SLC35F1: variants seen among roughly 807,000 people sequenced by gnomAD.
The protein encoded by SLC35F1 is chromosome 6 open reading frame 169.
In SLC35F1, 14 loss-of-function variants were observed where a neutral mutation model predicts 48.7. That is an observed-to-expected ratio of 0.29 (90% CI 0.19 to 0.45). The LOEUF (loss-of-function observed/expected upper bound fraction) is 0.45. SLC35F1 is among the 20% of genes least tolerant of loss of function. The pLI, the probability that SLC35F1 is intolerant of heterozygous loss-of-function variation, is 1.00. For missense variants in SLC35F1, 404 were observed against 500.0 expected (o/e 0.81, Z 1.83); for synonymous variants, 190 against 202.2 (o/e 0.94, Z 0.51).
At chr6:118,107,962 C>T (rs1347537679) in intron 1 of SLC35F1, among the ~76,000 whole-genome samples, 1 of 152,026 alleles carries the variant, frequency 6.6e-6, no homozygotes, top group Non-Finnish European at 1.5e-5. Flanking sequence ...CCTCTAGTTC[C>T]CACACAGCCC....
intron 4 of SLC35F1, among the ~76,000 whole-genome samples, chr6:118,272,600 T>C (rs2114627289): frequency 6.6e-6 from 1 of 152,016 alleles, no homozygotes; most frequent in South Asian, 2.1e-4. Context: ...TTCTGCTGCT[T>C]ATTTTAATAG....
chr6:118,169,467 T>C (rs377647925), intron 2 of SLC35F1, among the ~76,000 whole-genome samples: 54 of 152,310 alleles, frequency 3.5e-4, no homozygotes, highest in African/African-American at 1.1e-3. Flanking sequence ...TTGAAGAACA[T>C]ATTGACTGAT....
chr6:117,938,696 C>CA (rs1016107148), intron 1 of SLC35F1, among the ~76,000 whole-genome samples: 6 of 152,212 alleles, frequency 3.9e-5, no homozygotes, highest in African/African-American at 1.4e-4. Context: ...GGGCCCAGAA[C>CA]AAGGGTTCTT....
At chr6:118,054,626 C>T (rs1424076347) in intron 1 of SLC35F1, among the ~76,000 whole-genome samples, 2 of 152,116 alleles carry the variant, frequency 1.3e-5, no homozygotes, top group Non-Finnish European at 1.5e-5. Flanking sequence ...TGGTATTTCA[C>T]ATTACCTGTC....
intron 3 of SLC35F1, among the ~76,000 whole-genome samples, chr6:118,264,682 T>C (rs572565322): frequency 7.9e-5 from 12 of 152,368 alleles, no homozygotes; most frequent in African/African-American, 2.9e-4. Context: ...GACTGAGGGC[T>C]TCCAGCCAGA....
At chr6:118,252,261 T>G (rs952459169) in intron 3 of SLC35F1, among the ~76,000 whole-genome samples, 10 of 152,114 alleles carry the variant, frequency 6.6e-5, no homozygotes, top group African/African-American at 1.9e-4. Flanking sequence ...GGCCACTAAG[T>G]GCATGATGAT....
At chr6:117,946,998 C>T (rs997198983) in intron 1 of SLC35F1, among the ~76,000 whole-genome samples, 7 of 152,058 alleles carry the variant, frequency 4.6e-5, no homozygotes, top group African/African-American at 1.7e-4. Context: ...ATGGAGCTTA[C>T]ATCCATTTGG....
chr6:118,242,167 A>G (rs977454786), intron 3 of SLC35F1, among the ~76,000 whole-genome samples: 7 of 152,212 alleles, frequency 4.6e-5, no homozygotes, highest in African/African-American at 1.7e-4. Flanking sequence ...TAGCAGCTGT[A>G]CCATTTTACA....
chr6:117,907,921 G>A, intron 1 of SLC35F1, 22 bp downstream of exon 1: 2 of 1,305,408 alleles, frequency 1.5e-6, no homozygotes, highest in Non-Finnish European at 1.9e-6. Flanking sequence ...CGCCGGGCGA[G>A]GGCGCGGGGG....
At chr6:117,998,369 GA>G (rs1393206235) in intron 1 of SLC35F1, among the ~76,000 whole-genome samples, 1 of 151,608 alleles carries the variant, frequency 6.6e-6, no homozygotes, top group Non-Finnish European at 1.5e-5. Flanking sequence ...AGATCAACGA[GA>G]CAGAAAGTTA....
rs1367341203 is a variant in SLC35F1 at position 117,907,884 on chromosome 6, G to T, written c.158G>T (p.Arg53Leu). The T allele has an allele frequency of 2.0e-6, 3 of 1,489,142 alleles. No individual in the cohort carries two copies. Among genetic ancestry groups the T allele is most frequent in the Non-Finnish European group, 1.8e-6 (2 of 1,129,742 alleles). 92.2% of individuals were successfully genotyped at this position (1,489,142 alleles called of 1,614,324 possible). Residue 53 changes from arginine to leucine, a missense_variant, in exon 1 of 8, where the codon CGC becomes CTC. Arg to Leu is a moderately radical substitution (Grantham distance 102). This residue lies in a region of SLC35F1 where 98 missense variants were observed against 81.0 expected (regional missense o/e 1.21). Coordinates refer to ENST00000360388, the MANE Select transcript of SLC35F1 (RefSeq NM_001029858.4). ...CGGGCTGGCGTGCGCCAGAGGATCC[G>T]CAAAGTGCTGAACAGGTGAGCGGCG... Reference protein sequence around the residue: ...SSRAGVRQRIRKVLNREMLIS... With the variant: ...SSRAGVRQRILKVLNREMLIS...
intron 1 of SLC35F1, among the ~76,000 whole-genome samples, chr6:118,141,487 C>A (rs1773888739): frequency 6.6e-6 from 1 of 152,146 alleles, no homozygotes; most frequent in Admixed American, 6.5e-5. Context: ...GGCTTATAAA[C>A]AACAGAAACC....
intron 2 of SLC35F1, among the ~76,000 whole-genome samples, chr6:118,194,363 C>T (rs540026504): frequency 7.2e-5 from 11 of 152,294 alleles, no homozygotes; most frequent in Middle Eastern, 6.8e-3. Flanking sequence ...CAGGATTCAA[C>T]CTGGACCACC....
At chr6:117,970,641 G>A (rs1384382807) in intron 1 of SLC35F1, among the ~76,000 whole-genome samples, 1 of 152,200 alleles carries the variant, frequency 6.6e-6, no homozygotes. Context: ...TGGACTCACA[G>A]TTCCACATGG....
At chr6:117,926,008 C>A (rs1171585691) in intron 1 of SLC35F1, among the ~76,000 whole-genome samples, 1 of 152,064 alleles carries the variant, frequency 6.6e-6, no homozygotes, top group Non-Finnish European at 1.5e-5. Context: ...TGAAAGATCT[C>A]ACACAGTATA....
intron 1 of SLC35F1, among the ~76,000 whole-genome samples, chr6:118,137,709 G>T (rs1458261541): frequency 6.6e-6 from 1 of 152,144 alleles, no homozygotes; most frequent in African/African-American, 2.4e-5. Flanking sequence ...CTGGTCCTTA[G>T]GATACACCTT....
chr6:118,246,933 C>T (rs944068801), intron 3 of SLC35F1, among the ~76,000 whole-genome samples: 4 of 152,188 alleles, frequency 2.6e-5, no homozygotes, highest in African/African-American at 2.4e-5. Context: ...TCTCCTTATG[C>T]TCTCAAGCTT....
intron 2 of SLC35F1, among the ~76,000 whole-genome samples, chr6:118,230,305 A>G (rs1314399420): frequency 6.6e-6 from 1 of 151,426 alleles, no homozygotes; most frequent in Non-Finnish European, 1.5e-5. Flanking sequence ...ACACCACTGC[A>G]CTCCAGGCTG....
intron 2 of SLC35F1, among the ~76,000 whole-genome samples, chr6:118,206,422 C>T (rs1023085000): frequency 6.6e-6 from 1 of 152,142 alleles, no homozygotes; most frequent in African/African-American, 2.4e-5. Context: ...TGGCTTCTCC[C>T]AGCAGGAGGG....
Sources: gnomAD v4.1 joint callset for allele counts (sites outside exome capture counted in the v4.1 genomes callset) on GRCh38, gnomAD v4.1.1 for gene constraint, gnomAD v4.1.1 regional missense constraint, MANE v1.5 for transcripts, NCBI Gene and HGNC (gene_info 2026-07-23, HGNC 2026-07-21) for gene names.